ABHD12: variants seen among roughly 807,000 people sequenced by gnomAD.
ABHD12 encodes the protein lysophosphatidylserine lipase ABHD12.
ABHD12 carries 43 observed loss-of-function variants against 58.3 expected under a neutral mutation model. The observed-to-expected ratio is 0.74, with a 90% confidence interval of 0.58 to 0.95. The LOEUF is 0.95. Ranked by LOEUF, ABHD12 falls within the 40% of genes least tolerant of loss-of-function variation. The pLI, the probability that ABHD12 is intolerant of heterozygous loss-of-function variation, is 0.00. For missense variants in ABHD12, 539 were observed against 537.2 expected (o/e 1.00, Z -0.03); for synonymous variants, 219 against 211.2 (o/e 1.04, Z -0.32).
chr20:25,390,662 G>C lies in ABHD12; in HGVS notation c.42C>G (p.Arg14=). ...AGGAGGACGAGCCCGCGGCGGCGCA[G>C]CGCTCATGCTCCAAGGCGACGGGCT... ...RTEPVALEHE[R]CAAAGSSSSG... Residue 14 remains arginine, a synonymous_variant, in exon 1 of 13, where the codon CGC becomes CGG. Transcript: ENST00000339157. 3 of 1,440,004 alleles carry C rather than the reference G, an allele frequency of 2.1e-6. No individual in the cohort carries two copies. The highest frequency in any genetic ancestry group is 2.7e-6 in the Non-Finnish European group (3 of 1,100,308). The allele number at this position is 1,440,004 out of a possible 1,614,324, so 89.2% of individuals were successfully genotyped here.
chr20:25,359,398 TGGGCCACA>T (rs1261270392), intron 1 of ABHD12, among the ~76,000 whole-genome samples: 1 of 123,138 alleles, frequency 8.1e-6, no homozygotes, highest in African/African-American at 3.2e-5. Flanking sequence ...CACTCCCGCC[TGGGCCACA>T]GAGCGAGACT....
intron 1 of ABHD12, among the ~76,000 whole-genome samples, chr20:25,367,405 A>T (rs1000879226): frequency 1.3e-5 from 2 of 152,142 alleles, no homozygotes; most frequent in African/African-American, 4.8e-5. Flanking sequence ...CATTTTTCCA[A>T]TTTTTTTACA....
At chr20:25,369,538 A>T (rs2089870636) in intron 1 of ABHD12, among the ~76,000 whole-genome samples, 1 of 152,162 alleles carries the variant, frequency 6.6e-6, no homozygotes, top group Non-Finnish European at 1.5e-5. Flanking sequence ...CAGCAGGAGC[A>T]GAGGGCACGA....
intron 2 of ABHD12, among the ~76,000 whole-genome samples, chr20:25,326,554 T>A (rs1290755625): frequency 6.6e-6 from 1 of 152,256 alleles, no homozygotes; most frequent in Non-Finnish European, 1.5e-5. Flanking sequence ...AGATTCCTTA[T>A]GGAACAGAGT....
rs111854390 is a variant in ABHD12 at position 25,356,979 on chromosome 20, A to G, written c.192-17628T>C. ...ACAAGACTCTGCTCTCTACAAATGAACAAAGAAAGACACAGTAAACTGAAC... is the reference window on the plus strand; with the variant it reads ...ACAAGACTCTGCTCTCTACAAATGAGCAAAGAAAGACACAGTAAACTGAAC... On this transcript the variant is annotated intron_variant, in intron 1 of 12. Coordinates refer to ENST00000339157, the MANE Select transcript of ABHD12 (RefSeq NM_001042472.3). Among the ~76,000 whole-genome samples the G allele has an allele frequency of 1.2e-3, 182 of 152,284 alleles. 1 individual carries two copies. Among genetic ancestry groups the G allele is most frequent in the African/African-American group, 4.2e-3 (174 of 41,558 alleles).
chr20:25,386,160 ACT>A (rs2090087532), intron 1 of ABHD12, among the ~76,000 whole-genome samples: 1 of 104,654 alleles, frequency 9.6e-6, no homozygotes, highest in African/African-American at 3.4e-5. Context: ...TATGTAAGAA[ACT>A]TTTTACAAAG....
chr20:25,308,167 C>T, intron 8 of ABHD12, 122 bp from the exon 9 acceptor site: 1 of 807,876 alleles, frequency 1.2e-6, no homozygotes, highest in South Asian at 1.4e-5. Flanking sequence ...ACCAGGCAAC[C>T]ACCTCGGCAG....
At chr20:25,357,483 G>A in intron 1 of ABHD12, among the ~76,000 whole-genome samples, 1 of 152,190 alleles carries the variant, frequency 6.6e-6, no homozygotes, top group East Asian at 1.9e-4. Flanking sequence ...GCTAATGAAT[G>A]AGGTCTGCAG....
intron 2 of ABHD12, among the ~76,000 whole-genome samples, chr20:25,330,198 T>C (rs927819940): frequency 1.3e-5 from 2 of 152,204 alleles, no homozygotes; most frequent in Non-Finnish European, 2.9e-5. Flanking sequence ...AAGAAAGTGG[T>C]GACAGACGGC....
At chr20:25,349,806 T>C (rs1413809127) in intron 1 of ABHD12, among the ~76,000 whole-genome samples, 1 of 152,162 alleles carries the variant, frequency 6.6e-6, no homozygotes, top group Admixed American at 6.5e-5. Context: ...TGGTGAAAAG[T>C]TCTGGAAATG....
chr20:25,363,088 G>C (rs549045097), intron 1 of ABHD12, among the ~76,000 whole-genome samples: 6 of 151,968 alleles, frequency 3.9e-5, no homozygotes, highest in African/African-American at 1.4e-4. Context: ...ATAATGTCTA[G>C]AACATTCAGA....
intron 1 of ABHD12, among the ~76,000 whole-genome samples, chr20:25,369,722 TTAAG>T (rs1351802230): frequency 5.9e-5 from 9 of 152,242 alleles, no homozygotes; most frequent in Admixed American, 2.6e-4. Context: ...GCACAACACA[TTAAG>T]TAAGCTATTT....
chr20:25,302,666 G>T (rs1292991085), intron 11 of ABHD12, among the ~76,000 whole-genome samples: 1 of 152,182 alleles, frequency 6.6e-6, no homozygotes, highest in Non-Finnish European at 1.5e-5. Flanking sequence ...CACAGTCTTG[G>T]GGAGCTGGGA....
At chr20:25,368,292 C>T (rs967443480) in intron 1 of ABHD12, 153 of 1,535,534 alleles carry the variant, frequency 1.0e-4, no homozygotes, top group Non-Finnish European at 1.3e-4. Context: ...TGTTCACAGT[C>T]AGCAATGGTG....
At chr20:25,315,548 G>A (rs777499183) in intron 5 of ABHD12, among the ~76,000 whole-genome samples, 3 of 151,072 alleles carry the variant, frequency 2.0e-5, no homozygotes, top group Non-Finnish European at 4.4e-5. Flanking sequence ...GGAGGCTGCC[G>A]CACCATCATG....
chr20:25,381,847 G>A (rs1418903768), intron 1 of ABHD12, among the ~76,000 whole-genome samples: 1 of 152,050 alleles, frequency 6.6e-6, no homozygotes, highest in African/African-American at 2.4e-5. Context: ...TAGTAGAGAT[G>A]GTGTTTCACC....
intron 2 of ABHD12, among the ~76,000 whole-genome samples, chr20:25,334,518 C>G (rs1268670131): frequency 6.6e-6 from 1 of 152,152 alleles, no homozygotes; most frequent in African/African-American, 2.4e-5. Flanking sequence ...GCCAAAAGAA[C>G]AAAGCTGGAG....
Position 25,317,720 on chromosome 20 carries a change from T to G in ABHD12, c.543-642A>C, listed in dbSNP as rs559157239. Among the ~76,000 whole-genome samples the G allele has an allele frequency of 5.3e-5, 8 of 152,362 alleles. No homozygotes were observed. In the East Asian group the frequency reaches 1.3e-3, roughly 26 times the overall value. On this transcript the variant is annotated intron_variant, in intron 4 of 12. Coordinates refer to ENST00000339157, the MANE Select transcript of ABHD12 (RefSeq NM_001042472.3). ...CTCACAGCCAACTACAGCTTCACCG[T>G]GCATGTCGCTACTGAGACTAAGTGG... is the stretch of plus-strand genomic sequence containing the variant.
downstream of ABHD12, among the ~76,000 whole-genome samples, chr20:25,298,729 T>G (rs1568706096): frequency 1.3e-5 from 2 of 152,148 alleles, no homozygotes; most frequent in African/African-American, 2.4e-5. Flanking sequence ...CGCCCATCAA[T>G]TGTACAGTTG....
Sources: allele counts gnomAD v4.1 joint callset (sites outside exome capture counted in the v4.1 genomes callset), GRCh38; gene constraint gnomAD v4.1.1; transcripts MANE v1.5; gene names NCBI Gene and HGNC (gene_info 2026-07-23, HGNC 2026-07-21).